Variants in AQR observed in about 807,000 individuals in gnomAD.
AQR encodes aquarius intron-binding spliceosomal factor, also known as RNA helicase aquarius.
AQR carries 61 observed loss-of-function variants against 180.5 expected under a neutral mutation model. The ratio of observed to expected loss-of-function variants is 0.34; its 90% confidence interval spans 0.28 to 0.42. The LOEUF (loss-of-function observed/expected upper bound fraction) is 0.42, where lower values mean the gene tolerates loss of function less well. Among genes scored for constraint, AQR ranks in the 10% least tolerant of loss-of-function variants. AQR has a pLI of 1.00. For missense variants in AQR, 1,281 were observed against 1,798.3 expected (o/e 0.71, Z 5.20); for synonymous variants, 551 against 588.8 (o/e 0.94, Z 0.93).
At chr15:34,944,028 C>A (rs1483320251) in intron 6 of AQR, among the ~76,000 whole-genome samples, 1 of 152,160 alleles carries the variant, frequency 6.6e-6, no homozygotes, top group Non-Finnish European at 1.5e-5. Flanking sequence ...TTCTTATAAT[C>A]ATTTTTCTTA....
At chr15:34,911,140 T>G (rs1893493424) in intron 16 of AQR, among the ~76,000 whole-genome samples, 1 of 152,202 alleles carries the variant, frequency 6.6e-6, no homozygotes, top group African/African-American at 2.4e-5. Flanking sequence ...CATATCCCAT[T>G]GTGTGTTTTT....
At chr15:34,926,621 G>T (rs7169795) in intron 13 of AQR, among the ~76,000 whole-genome samples, 1,643 of 152,190 alleles carry the variant, frequency 0.011, 31 homozygotes, top group African/African-American at 0.037. Flanking sequence ...TTTTCAAAAG[G>T]ATATATTAGC....
In AQR at chr15:34,855,464, T is replaced by C. The variant is rs1892575073; in HGVS notation, c.*1328A>G. The C allele has an allele frequency of 1.3e-5, 2 of 151,842 alleles. No individual in the cohort carries two copies. The highest frequency in any genetic ancestry group is 6.6e-5 in the Admixed American group (1 of 15,258). 9.4% of individuals were successfully genotyped at this position (151,842 alleles called of 1,614,324 possible). A position where few individuals can be genotyped will look rare whatever the true frequency, so the allele number is the denominator to read the frequency against. ...CCTCCCCTTTAGATACTCTAGCAGATGATCAAAATGGGAAATAGAGAACTA... is the reference window on the plus strand; with the variant it reads ...CCTCCCCTTTAGATACTCTAGCAGACGATCAAAATGGGAAATAGAGAACTA... On this transcript the variant is annotated 3_prime_UTR_variant, in exon 35 of 35. Coordinates refer to ENST00000156471, the MANE Select transcript of AQR (RefSeq NM_014691.3).
At chr15:34,890,046 G>T (rs1021396772) in intron 24 of AQR, among the ~76,000 whole-genome samples, 169 bp downstream of exon 24, 1 of 152,180 alleles carries the variant, frequency 6.6e-6, no homozygotes, top group South Asian at 2.1e-4. Context: ...AACTGGAACT[G>T]AGGGACATCA....
At chr15:34,874,930 G>T in intron 28 of AQR, 66 bp from the exon 29 acceptor site, 1 of 1,424,986 alleles carries the variant, frequency 7.0e-7, no homozygotes. Flanking sequence ...TTTATTACCC[G>T]AGAGACTCAG....
At chr15:34,969,502 A>G (rs1465401735) in intron 1 of AQR, 37 bp downstream of exon 1, 3 of 1,611,616 alleles carry the variant, frequency 1.9e-6, no homozygotes, top group Non-Finnish European at 2.5e-6. Context: ...CACGACGTCC[A>G]TACCCACTCA....
chr15:34,950,468 C>T (rs377144252), intron 4 of AQR, among the ~76,000 whole-genome samples: 27 of 152,178 alleles, frequency 1.8e-4, no homozygotes, highest in Middle Eastern at 3.4e-3. Context: ...TTCATTAATT[C>T]CTTCTTTACC....
chr15:34,945,029 TAACTCTC>T (rs908914882), intron 5 of AQR, among the ~76,000 whole-genome samples: 9 of 152,328 alleles, frequency 5.9e-5, no homozygotes, highest in African/African-American at 2.2e-4. Flanking sequence ...GGACCCTTAT[TAACTCTC>T]AACTCCTTTT....
rs778739397 is a variant in AQR at position 34,927,112 on chromosome 15, T to C, written c.1041A>G (p.Glu347=). ...CATTTGAGAGGGCAAAATCATAGAGTTCAGGAAAATGTGCAAAAGCAGCTC... is the reference window on the plus strand; with the variant it reads ...CATTTGAGAGGGCAAAATCATAGAGCTCAGGAAAATGTGCAAAAGCAGCTC... ...LQRAAFAHFP[E]LYDFALSNVA... The change falls in exon 13 of 35, where the codon GAA becomes GAG. Residue 347 remains glutamate, a synonymous_variant. Transcript: ENST00000156471. The C allele has an allele frequency of 8.2e-6, 13 of 1,584,346 alleles. No homozygotes were observed. Among genetic ancestry groups the C allele is most frequent in the Non-Finnish European group, 1.1e-5 (13 of 1,165,094 alleles).
Position 34,962,706 on chromosome 15 carries a change from C to T in AQR, c.132+1528G>A, listed in dbSNP as rs2050287009. ...ATCGCTTGAACCCAGGAGGTGGAGG[C>T]TGCAGTGAGCCAGAATCGTGCCATT... On this transcript the variant is annotated intron_variant, in intron 2 of 34. Transcript: ENST00000156471. Among the ~76,000 whole-genome samples the T allele has an allele frequency of 2.6e-5, 4 of 151,626 alleles. No individual in the cohort carries two copies. In the South Asian group the frequency reaches 8.3e-4, roughly 32 times the overall value.
At chr15:34,967,056 A>C (rs2050313265) in intron 1 of AQR, among the ~76,000 whole-genome samples, 1 of 151,810 alleles carries the variant, frequency 6.6e-6, no homozygotes, top group Non-Finnish European at 1.5e-5. Context: ...TTGTATTTTT[A>C]GTAGAGACAG....
chr15:34,896,543 T>TA (rs34623885), intron 22 of AQR, among the ~76,000 whole-genome samples: 18,994 of 135,506 alleles, frequency 0.14, 1,500 homozygotes, highest in African/African-American at 0.22. Flanking sequence ...TAATCTATGT[T>TA]AAAAAAAAAA....
At chr15:34,930,492 G>A (rs1185537632) in intron 11 of AQR, 121 bp from the exon 12 acceptor site, 3 of 557,080 alleles carry the variant, frequency 5.4e-6, no homozygotes, top group Non-Finnish European at 9.5e-6. Context: ...ACTCAGGAAT[G>A]TAAACATTAC....
intron 19 of AQR, among the ~76,000 whole-genome samples, chr15:34,901,619 CG>C (rs1042077229): frequency 2.0e-4 from 31 of 152,084 alleles, no homozygotes; most frequent in African/African-American, 7.5e-4. Context: ...ATAACCAAAC[CG>C]ACCATTTTTA....
rs1474788467 is a variant in AQR, at chr15:34,851,946, T to C, written c.*4846A>G. ...GGTACATTGACCAAACTTTTATTCA[T>C]TTGCATTTTCAGGATGTTGCGATTA... On this transcript the variant is annotated 3_prime_UTR_variant, in exon 35 of 35. Transcript: ENST00000156471. 6.6e-6 allele frequency: 1 copy of C among 152,168 alleles called. No homozygotes were observed. Among genetic ancestry groups the C allele is most frequent in the Admixed American group, 6.5e-5 (1 of 15,278 alleles). The allele number at this position is 152,168 out of a possible 1,614,324, so 9.4% of individuals were successfully genotyped here. A position where few individuals can be genotyped will look rare whatever the true frequency, so the allele number is the denominator to read the frequency against.
Position 34,907,401 on chromosome 15 carries a change from A to G in AQR, c.1664-689T>C, listed in dbSNP as rs117860556. Among the ~76,000 whole-genome samples, 208 of 152,352 alleles carry G rather than the reference A, an allele frequency of 1.4e-3. 1 individual carries two copies. The highest frequency in any genetic ancestry group is 6.8e-3 in the Middle Eastern group (2 of 294). The stretch of plus-strand genomic sequence containing the variant: ...GTAGAGAAACTGGAAGACAAGGATT[A>G]TAAAATTAGACCTCACAGCATGTAA... On this transcript the variant is annotated intron_variant, in intron 17 of 34. Coordinates refer to ENST00000156471, the MANE Select transcript of AQR (RefSeq NM_014691.3).
At chr15:34,934,519 T>C in intron 10 of AQR, 52 bp downstream of exon 10, 1 of 1,378,040 alleles carries the variant, frequency 7.3e-7, no homozygotes, top group South Asian at 1.3e-5. Flanking sequence ...ATATGCTTAA[T>C]CTTAGACCCC....
At chr15:34,952,803 G>T in intron 4 of AQR, 82 bp downstream of exon 4, 1 of 936,494 alleles carries the variant, frequency 1.1e-6, no homozygotes, top group South Asian at 1.6e-5. Flanking sequence ...TTTTCTTAGT[G>T]ACTCACAGAA....
rs1425998985 is a variant in AQR at position 34,852,667 on chromosome 15, T to C, written c.*4125A>G. ...TTCTTTCCAGTGGGACATCTGAGAG[T>C]CTTTAATTAGCTAACAGTGCATTGT... is the stretch of plus-strand genomic sequence containing the variant. On this transcript the variant is annotated 3_prime_UTR_variant, in exon 35 of 35. Transcript: ENST00000156471. 1 of 152,108 alleles carries C rather than the reference T, an allele frequency of 6.6e-6. No individual in the cohort carries two copies. Among genetic ancestry groups the C allele is most frequent in the African/African-American group, 2.4e-5 (1 of 41,418 alleles). The allele number at this position is 152,108 out of a possible 1,614,324, so 9.4% of individuals were successfully genotyped here.
Sources: gnomAD v4.1 joint callset for allele counts (sites outside exome capture counted in the v4.1 genomes callset) on GRCh38, gnomAD v4.1.1 for gene constraint, MANE v1.5 for transcripts, NCBI Gene and HGNC (gene_info 2026-07-23, HGNC 2026-07-21) for gene names.